CCDC83: variants seen among roughly 807,000 people sequenced by gnomAD.
The protein encoded by CCDC83 is coiled-coil domain-containing protein 83.
CCDC83 carries 54 observed loss-of-function variants against 50.1 expected under a neutral mutation model. That is an observed-to-expected ratio of 1.08 (90% confidence interval 0.87 to 1.35). CCDC83 has a LOEUF of 1.35. Among genes scored for constraint, CCDC83 ranks in the 40% most tolerant of loss-of-function variants. The pLI is 0.00. For synonymous variants in CCDC83, 161 were observed against 153.3 expected (o/e 1.05, Z -0.37); for missense variants, 518 against 473.9 (o/e 1.09, Z -0.86).
chr11:85,892,829 G>T (rs966863116), intron 5 of CCDC83, among the ~76,000 whole-genome samples: 1 of 152,166 alleles, frequency 6.6e-6, no homozygotes, highest in African/African-American at 2.4e-5. Flanking sequence ...CATGAGATTA[G>T]TTCAAATAAG....
At chr11:85,863,970 GCT>G (rs1180618813) in intron 1 of CCDC83, among the ~76,000 whole-genome samples, 2 of 152,166 alleles carry the variant, frequency 1.3e-5, no homozygotes, top group African/African-American at 4.8e-5. Flanking sequence ...CCTTACAATA[GCT>G]CTTAGAGTAG....
chr11:85,913,863 A>C (rs1219563068), intron 8 of CCDC83, among the ~76,000 whole-genome samples: 1 of 152,220 alleles, frequency 6.6e-6, no homozygotes, highest in Admixed American at 6.5e-5. Context: ...AACATCTTTT[A>C]AACTATTTTC....
At chr11:85,891,427 C>T (rs570537478) in intron 5 of CCDC83, among the ~76,000 whole-genome samples, 1 of 152,278 alleles carries the variant, frequency 6.6e-6, no homozygotes, top group South Asian at 2.1e-4. Flanking sequence ...CAGTCACTAA[C>T]ATATCCAGGC....
chr11:85,858,036 G>A (rs892349085), intron 1 of CCDC83, among the ~76,000 whole-genome samples: 1 of 152,216 alleles, frequency 6.6e-6, no homozygotes, highest in African/African-American at 2.4e-5. Flanking sequence ...TGTGGAGAGA[G>A]TCAACATCAA....
chr11:85,866,753 G>T (rs1344852053), intron 2 of CCDC83, among the ~76,000 whole-genome samples: 1 of 152,058 alleles, frequency 6.6e-6, no homozygotes, highest in Non-Finnish European at 1.5e-5. Context: ...GTAACTAAAG[G>T]ACTTTAGTCA....
chr11:85,865,356 T>G, intron 2 of CCDC83, 138 bp downstream of exon 2: 1 of 628,660 alleles, frequency 1.6e-6, no homozygotes, highest in Non-Finnish European at 2.8e-6. Flanking sequence ...CTAATTGCAC[T>G]CTTGTGCTAT....
intron 1 of CCDC83, among the ~76,000 whole-genome samples, chr11:85,863,192 T>C (rs1566067719): frequency 6.6e-6 from 1 of 152,254 alleles, no homozygotes; most frequent in African/African-American, 2.4e-5. Context: ...GTAAAAATTA[T>C]TACTAAATGG....
At chr11:85,892,223 G>C (rs2374695) in intron 5 of CCDC83, among the ~76,000 whole-genome samples, 84,156 of 151,888 alleles carry the variant, frequency 0.55, 23,698 homozygotes, top group African/African-American at 0.57. Context: ...GGGAAGGGAC[G>C]CCATTAGATG....
intron 7 of CCDC83, among the ~76,000 whole-genome samples, chr11:85,906,478 T>A (rs569379801): frequency 1.3e-5 from 2 of 152,306 alleles, no homozygotes; most frequent in East Asian, 3.9e-4. Context: ...TGACTCTTCC[T>A]ACTGAAGCCA....
At chr11:85,889,910 A>G (rs1234570392) in intron 5 of CCDC83, among the ~76,000 whole-genome samples, 2 of 152,218 alleles carry the variant, frequency 1.3e-5, no homozygotes, top group East Asian at 3.8e-4. Flanking sequence ...TAGATTTGCA[A>G]TTTGATGAAG....
chr11:85,887,598 C>T (rs1219308808), intron 5 of CCDC83, among the ~76,000 whole-genome samples: 6 of 152,038 alleles, frequency 3.9e-5, no homozygotes, highest in African/African-American at 7.2e-5. Context: ...TCCCTCTGTC[C>T]GCACTCAAAT....
At position 85,882,515 on chromosome 11, in the gene CCDC83, T is replaced by C. The variant is rs773107099; in HGVS notation, c.183T>C (p.Asn61=). The change falls in exon 4 of 11, where the codon AAT becomes AAC. Residue 61 remains asparagine (N), a splice_region_variant and synonymous_variant. Transcript: ENST00000342404. ...RKKNQKYHER[N]SRLKEEQIWH... is the part of the protein sequence containing the mutation. ...ATTACTGTTGATTTTCATGACAGAA[T>C]AGCCGCTTAAAAGAAGAACAGATTT... 4 of 1,613,278 alleles carry C rather than the reference T, an allele frequency of 2.5e-6. No individual in the cohort carries two copies. Among genetic ancestry groups the C allele is most frequent in the Non-Finnish European group, 2.5e-6 (3 of 1,179,646 alleles).
At chr11:85,905,764 T>C (rs2093422774) in intron 7 of CCDC83, among the ~76,000 whole-genome samples, 4 of 151,340 alleles carry the variant, frequency 2.6e-5, no homozygotes, top group Non-Finnish European at 5.9e-5. Context: ...GGTCAGAAGA[T>C]CGAGACCATC....
At chr11:85,915,109 C>T (rs2093471654) in intron 8 of CCDC83, among the ~76,000 whole-genome samples, 1 of 152,172 alleles carries the variant, frequency 6.6e-6, no homozygotes, top group Admixed American at 6.5e-5. Flanking sequence ...CCCAGCTAAA[C>T]TGTATCAAAG....
At chr11:85,913,525 C>T (rs2093464310) in intron 8 of CCDC83, among the ~76,000 whole-genome samples, 1 of 152,196 alleles carries the variant, frequency 6.6e-6, no homozygotes, top group African/African-American at 2.4e-5. Context: ...CCCCCTCCAT[C>T]TCTTTGTTGA....
In CCDC83 at chr11:85,895,410, G is replaced by A. The variant is rs201576196; in HGVS notation, c.603+26G>A. The A allele has an allele frequency of 2.9e-6, 4 of 1,356,836 alleles. No homozygotes were observed. In the African/African-American group the frequency reaches 4.4e-5, roughly 15 times the overall value. 84.0% of individuals were successfully genotyped at this position (1,356,836 alleles called of 1,614,324 possible). A position where few individuals can be genotyped will look rare whatever the true frequency, so the allele number is the denominator to read the frequency against. ...GTATAATTCAATTTTCTTAAAAACAGAACAAAACAAACATTTTCCCCCTAT... is the reference window on the plus strand; with the variant it reads ...GTATAATTCAATTTTCTTAAAAACAAAACAAAACAAACATTTTCCCCCTAT... On this transcript the variant is annotated intron_variant, in intron 6 of 10. Coordinates refer to ENST00000342404, the MANE Select transcript of CCDC83 (RefSeq NM_001286159.2).
intron 1 of CCDC83, among the ~76,000 whole-genome samples, chr11:85,863,529 C>G (rs1276673701): frequency 1.3e-5 from 2 of 152,166 alleles, no homozygotes; most frequent in Non-Finnish European, 2.9e-5. Context: ...CATGTATATG[C>G]TCAAATTAGT....
intron 6 of CCDC83, 151 bp from the exon 7 acceptor site, chr11:85,898,796 T>C (rs912069164): frequency 3.1e-6 from 2 of 641,054 alleles, no homozygotes; most frequent in African/African-American, 3.7e-5. Context: ...TAGTAAAGAA[T>C]GAACAACCAA....
chr11:85,908,576 T>C (rs1180319353), intron 7 of CCDC83, among the ~76,000 whole-genome samples: 2 of 147,802 alleles, frequency 1.4e-5, no homozygotes, highest in East Asian at 2.0e-4. Context: ...GATAGATAGA[T>C]AGATAGATAG....
Sources: allele counts gnomAD v4.1 joint callset (sites outside exome capture counted in the v4.1 genomes callset), GRCh38; gene constraint gnomAD v4.1.1; transcripts MANE v1.5; gene names NCBI Gene and HGNC (gene_info 2026-07-23, HGNC 2026-07-21).